The following APOBEC3F variants were observed in gnomAD, a reference collection of about 807,000 sequenced individuals.
The protein encoded by APOBEC3F is DNA dC->dU-editing enzyme APOBEC-3F.
Under a neutral mutation model 45.8 loss-of-function variants are expected in APOBEC3F, and 34 were observed. The ratio of observed to expected loss-of-function variants is 0.74; its 90% CI spans 0.57 to 0.99. The LOEUF is 0.99. Among genes scored for constraint, APOBEC3F ranks in the 50% least tolerant of loss-of-function variants. The pLI is 0.00. For synonymous variants in APOBEC3F, 192 were observed against 174.4 expected, an observed-to-expected ratio of 1.10 and a Z score of -0.80; for missense variants, 459 against 474.1, an observed-to-expected ratio of 0.97 and a Z score of 0.30.
rs374108785 is a variant in APOBEC3F, at chr22:39,054,321, G to C, written c.*1626G>C. On this transcript the variant is annotated 3_prime_UTR_variant, in exon 7 of 7. Transcript: ENST00000308521. ...ATCTGGGTTCACTGCAGCCTCTGCC[G>C]CCTGAGTTCAAGCTATTTTCCTACC... is the stretch of plus-strand genomic sequence containing the variant. 6.6e-6 allele frequency among the ~76,000 whole-genome samples: 1 copy of C among 152,000 alleles called. No individual in the cohort carries two copies. The highest frequency in any genetic ancestry group is 2.4e-5 in the African/African-American group (1 of 41,358).
chr22:39,047,581 C>T lies in APOBEC3F; in HGVS notation c.567-1844C>T, dbSNP rs576359842. On this transcript the variant is annotated intron_variant, in intron 4 of 6. Coordinates refer to ENST00000308521, the MANE Select transcript of APOBEC3F (RefSeq NM_145298.6). ...GCCTGGTGGCCCTGCTGGGCCTCAG[C>T]CTGGCCTCCCCCTGCCCCTGCCCCA... 5.9e-5 allele frequency among the ~76,000 whole-genome samples: 9 copies of T among 152,278 alleles called. No homozygotes were observed. The East Asian group carries it at 1.7e-3, about 29-fold the overall frequency.
In APOBEC3F at chr22:39,054,082, G is replaced by A. The variant is rs142315742; in HGVS notation, c.*1387G>A. ...GGCTGGAGTGCAATGGTGCGGTCTC[G>A]GCTCACTGCAACCTCTGCCTCCCTT... On this transcript the variant is annotated 3_prime_UTR_variant, in exon 7 of 7. Coordinates refer to ENST00000308521, the MANE Select transcript of APOBEC3F (RefSeq NM_145298.6). 1.3e-5 allele frequency among the ~76,000 whole-genome samples: 2 copies of A among 151,530 alleles called. No homozygotes were observed. Among genetic ancestry groups the A allele is most frequent in the African/African-American group, 2.4e-5 (1 of 41,212 alleles).
chr22:39,050,412 A>AT (rs36077579), intron 5 of APOBEC3F, among the ~76,000 whole-genome samples: 75,345 of 144,522 alleles, frequency 0.52, 18,063 homozygotes, highest in East Asian at 0.71. Flanking sequence ...CAGGCAGGAG[A>AT]TTTTTTCAGA....
chr22:39,049,566 C>A lies in APOBEC3F; in HGVS notation c.708C>A (p.Gly236=). ...KHHSPVSWKR[G]VFRNQVDPET... ...ACTCACCTGTCTCCTGGAAGAGGGG[C>A]GTCTTCCGAAACCAGGTAGCACCAA... Residue 236 remains glycine (G), a synonymous_variant, in exon 5 of 7, where the codon GGC becomes GGA. Transcript: ENST00000308521. 1 of 1,614,066 alleles carries A rather than the reference C, an allele frequency of 6.2e-7. No individual in the cohort carries two copies. Among genetic ancestry groups the A allele is most frequent in the Non-Finnish European group, 8.5e-7 (1 of 1,179,988 alleles).
At chr22:39,042,831 T>G (rs565658416) in intron 1 of APOBEC3F, 106 bp from the exon 2 acceptor site, 3 of 1,502,282 alleles carry the variant, frequency 2.0e-6, no homozygotes, top group African/African-American at 1.4e-5. Flanking sequence ...TGTGGAGGGG[T>G]TGGGGAGGCC....
chr22:39,043,304 T>G (rs1927020682), intron 2 of APOBEC3F, among the ~76,000 whole-genome samples: 3 of 150,598 alleles, frequency 2.0e-5, no homozygotes, highest in East Asian at 2.0e-4. Context: ...TTGTGTTTTT[T>G]TTTTTTTTTT....
At chr22:39,052,456 C>T (rs1927541439) in intron 6 of APOBEC3F, 103 bp downstream of exon 6, 2 of 1,575,068 alleles carry the variant, frequency 1.3e-6, no homozygotes, top group East Asian at 4.5e-5. Flanking sequence ...GGGAAGCCTG[C>T]AGGGATGGCG....
Position 39,040,869 on chromosome 22 carries a change from A to G in APOBEC3F, c.-92A>G. On this transcript the variant is annotated 5_prime_UTR_variant, in exon 1 of 7. Coordinates refer to ENST00000308521, the MANE Select transcript of APOBEC3F (RefSeq NM_145298.6). ...CTACGAGGCCCTGGGAGGTCACTTT[A>G]GGGAGGGCTGTCCTGAAACCTGGAG... 2 of 1,550,162 alleles carry G rather than the reference A, an allele frequency of 1.3e-6. No homozygotes were observed. The highest frequency in any genetic ancestry group is 1.2e-5 in the South Asian group (1 of 84,040).
At chr22:39,044,270 G>A (rs1927087095) in intron 2 of APOBEC3F, 4 of 1,561,658 alleles carry the variant, frequency 2.6e-6, no homozygotes, top group Non-Finnish European at 3.5e-6. Flanking sequence ...ATGCCTGGGA[G>A]AATGGATGCC....
chr22:39,044,331 G>A (rs1009931405), intron 2 of APOBEC3F: 2 of 1,412,786 alleles, frequency 1.4e-6, no homozygotes, highest in East Asian at 2.6e-5. Flanking sequence ...TCCAAACGAA[G>A]GGAAGCTCAT....
rs371158586 is a variant in APOBEC3F at position 39,052,268 on chromosome 22, C to G, written c.918C>G (p.Leu306=). The stretch of plus-strand genomic sequence containing the variant: ...ATCTCACCATCTTCACCGCCCGCCT[C>G]TACTACTTCTGGGATACAGATTACC... The part of the protein sequence containing the change: ...NVNLTIFTAR[L]YYFWDTDYQE... The change falls in exon 6 of 7, where the codon CTC becomes CTG. Residue 306 remains leucine (L), a synonymous_variant. Transcript: ENST00000308521. 1.5e-5 allele frequency: 25 copies of G among 1,614,124 alleles called. No homozygotes were observed. Among genetic ancestry groups the G allele is most frequent in the African/African-American group, 5.3e-5 (4 of 74,944 alleles).
At chr22:39,050,208 G>A (rs1927418961) in intron 5 of APOBEC3F, among the ~76,000 whole-genome samples, 1 of 150,938 alleles carries the variant, frequency 6.6e-6, no homozygotes, top group Admixed American at 6.6e-5. Context: ...GGTGGGTCTG[G>A]TGTCCAGCAC....
At chr22:39,042,804 G>A (rs1926981918) in intron 1 of APOBEC3F, 133 bp from the exon 2 acceptor site, 1 of 1,399,774 alleles carries the variant, frequency 7.1e-7, no homozygotes, top group Non-Finnish European at 9.6e-7. Flanking sequence ...TGGGAAGGAA[G>A]CAAAAATTCT....
chr22:39,047,752 C>T (rs1248713648), intron 4 of APOBEC3F, among the ~76,000 whole-genome samples: 2 of 152,110 alleles, frequency 1.3e-5, no homozygotes, highest in African/African-American at 2.4e-5. Flanking sequence ...GAGACTCTCC[C>T]CCGAAAGTCA....
rs1335704596 is a variant in APOBEC3F at position 39,054,542 on chromosome 22, AAACTCCTG to A, written c.*1849_*1856del. 6.6e-6 allele frequency among the ~76,000 whole-genome samples: 1 copy of A among 152,004 alleles called. No individual in the cohort carries two copies. The highest frequency in any genetic ancestry group is 1.5e-5 in the Non-Finnish European group (1 of 67,976). On this transcript the variant is annotated 3_prime_UTR_variant, in exon 7 of 7. Coordinates refer to ENST00000308521, the MANE Select transcript of APOBEC3F (RefSeq NM_145298.6). ...ACCTGGCCAGGCTTAGGCTGGTCTT[AAACTCCTG>A]ACCTCAAGTGATCCAACCTCCTTGG...
chr22:39,046,259 AC>A (rs1927213581), intron 4 of APOBEC3F, among the ~76,000 whole-genome samples: 1 of 152,038 alleles, frequency 6.6e-6, no homozygotes, highest in Admixed American at 6.6e-5. Flanking sequence ...TAATTTAATC[AC>A]CACTTTAGTG....
chr22:39,045,444 G>A lies in APOBEC3F; in HGVS notation c.468G>A (p.Trp156Ter). The change falls in exon 4 of 7, where the codon TGG becomes TGA. Residue 156 changes from tryptophan to a stop codon, truncating the protein, a stop_gained. Coordinates refer to ENST00000308521, the MANE Select transcript of APOBEC3F (RefSeq NM_145298.6). LOFTEE classifies it high-confidence loss of function. ...IMDDEEFAYC[W>*]ENFVYSEGQP... is the part of the protein sequence containing the mutation. ...TCGTCTCAGAATTTGCATACTGCTG[G>A]GAAAACTTTGTGTACAGTGAAGGTC... The A allele has an allele frequency of 1.9e-6, 3 of 1,614,118 alleles. No individual in the cohort carries two copies. The highest frequency in any genetic ancestry group is 2.5e-6 in the Non-Finnish European group (3 of 1,180,002).
chr22:39,040,896 C>A lies in APOBEC3F; in HGVS notation c.-65C>A. The A allele has an allele frequency of 6.4e-7, 1 of 1,552,972 alleles. No individual in the cohort carries two copies. Among genetic ancestry groups the A allele is most frequent in the African/African-American group, 1.4e-5 (1 of 73,320 alleles). On this transcript the variant is annotated 5_prime_UTR_variant, in exon 1 of 7. In the 5' UTR this introduces an upstream ATG that the reference lacks. Coordinates refer to ENST00000308521, the MANE Select transcript of APOBEC3F (RefSeq NM_145298.6). Reference sequence around the variant, plus strand: ...GGAGGGCTGTCCTGAAACCTGGAGCCTGGAGCAGAAAGTGAAACCCTGGTG... The same window carrying A: ...GGAGGGCTGTCCTGAAACCTGGAGCATGGAGCAGAAAGTGAAACCCTGGTG...
intron 2 of APOBEC3F, chr22:39,044,168 T>A: frequency 6.2e-7 from 1 of 1,601,954 alleles, no homozygotes; most frequent in Non-Finnish European, 8.5e-7. Flanking sequence ...ACAGCGCAGG[T>A]CCAGTGGCCT....
Sources: gnomAD v4.1 joint callset for allele counts (sites outside exome capture counted in the v4.1 genomes callset) on GRCh38, gnomAD v4.1.1 for gene constraint, MANE v1.5 for transcripts, NCBI Gene and HGNC (gene_info 2026-07-23, HGNC 2026-07-21) for gene names.